Variants in LAMA3 observed in about 807,000 individuals in gnomAD.
LAMA3 encodes laminin subunit alpha 3, also known as laminin subunit alpha-3.
Under a neutral mutation model 402.0 loss-of-function variants are expected in LAMA3, and 281 were observed. The ratio of observed to expected loss-of-function variants is 0.70; its 90% CI spans 0.63 to 0.77. LAMA3 has a LOEUF of 0.77. LAMA3 is among the 30% of genes least tolerant of loss of function. The probability of loss-of-function intolerance (pLI) is 0.00; values close to 1 mark genes in which losing one functional copy is unlikely to be tolerated. For synonymous variants in LAMA3, 1,431 were observed against 1,558.4 expected (o/e 0.92, Z 1.93); for missense variants, 3,840 against 4,215.5 (o/e 0.91, Z 2.47).
chr18:23,775,508 A>G (rs1013469989), intron 9 of LAMA3, among the ~76,000 whole-genome samples: 1 of 147,386 alleles, frequency 6.8e-6, no homozygotes, highest in Non-Finnish European at 1.5e-5. Context: ...TGTAGCATGC[A>G]GGCTTTGCCT....
intron 47 of LAMA3, among the ~76,000 whole-genome samples, chr18:23,900,546 A>G (rs1439107235): frequency 1.3e-5 from 2 of 152,226 alleles, no homozygotes; most frequent in African/African-American, 4.8e-5. Flanking sequence ...CAAAAAAAGG[A>G]TATACTAGAA....
At chr18:23,925,814 A>G (rs1354826391) in intron 62 of LAMA3, among the ~76,000 whole-genome samples, 2 of 152,180 alleles carry the variant, frequency 1.3e-5, no homozygotes, top group Admixed American at 6.5e-5. Flanking sequence ...CCATTTTAAC[A>G]CTTCTGCTGT....
Position 23,857,991 on chromosome 18 carries a change from A to G in LAMA3, c.4281+3A>G, listed in dbSNP as rs762527619. ...GGACCGGGGCTTGCCTCTGCAAGGT[A>G]AGAGAGATCGTGCAATGCCAGACAA... On this transcript the variant is annotated splice_donor_region_variant and intron_variant, in intron 33 of 74. Coordinates refer to ENST00000313654, the MANE Select transcript of LAMA3 (RefSeq NM_198129.4). 5.6e-6 allele frequency: 9 copies of G among 1,614,174 alleles called. No homozygotes were observed. The highest frequency in any genetic ancestry group is 1.1e-5 in the South Asian group (1 of 91,088).
At position 23,750,984 on chromosome 18, in the gene LAMA3, G is replaced by T. The variant is rs200781855; in HGVS notation, c.751G>T (p.Glu251Ter). The change falls in exon 5 of 75, where the codon GAG (glutamate) becomes TAG (stop). Residue 251 changes from glutamate (E) to a stop codon, truncating the protein, a stop_gained. Coordinates refer to ENST00000313654, the MANE Select transcript of LAMA3 (RefSeq NM_198129.4). LOFTEE classifies it high-confidence loss of function. The part of the protein sequence containing the change: ...KNFTFSHTLR[E>*]FTKATNIRLR... ...TTTTACTTTCTCTCACACCCTGAGG[G>T]AGTTTACCAAGGCAACAAACATCCG... 8 of 1,613,998 alleles carry T rather than the reference G, an allele frequency of 5.0e-6. No homozygotes were observed. The Admixed American group carries it at 1.0e-4, about 20-fold the overall frequency.
rs754060067 is a variant in LAMA3 at position 23,858,025 on chromosome 18, G to A, written c.4281+37G>A. 8.1e-6 allele frequency: 13 copies of A among 1,613,498 alleles called. 1 individual carries two copies. Among genetic ancestry groups the A allele is most frequent in the South Asian group, 4.4e-5 (4 of 91,028 alleles). On this transcript the variant is annotated intron_variant, in intron 33 of 74. Transcript: ENST00000313654. ...CGTGCAATGCCAGACAACAGCTGCC[G>A]GTCAGCAGGAAAGTGCTTCATGTTG...
chr18:23,737,006 G>A (rs1386403768), intron 2 of LAMA3, among the ~76,000 whole-genome samples: 1 of 152,132 alleles, frequency 6.6e-6, no homozygotes, highest in East Asian at 1.9e-4. Context: ...TTGCTGGCAT[G>A]GAAAATGCTT....
At chr18:23,894,217 GCTTTTCTGAAAAC>G in intron 42 of LAMA3, 68 bp from the exon 43 acceptor site, 2 of 1,176,772 alleles carry the variant, frequency 1.7e-6, no homozygotes, top group Middle Eastern at 2.0e-4. Flanking sequence ...TGCAAAACTA[GCTTTTCTGAAAAC>G]CAAGTTAAAG....
chr18:23,921,650 A>T (rs907239308), intron 62 of LAMA3, 65 bp downstream of exon 62: 2 of 1,550,206 alleles, frequency 1.3e-6, no homozygotes, highest in Non-Finnish European at 1.8e-6. Flanking sequence ...TGACCAAAAA[A>T]AATCTGGTCT....
chr18:23,729,122 ATG>A (rs72333694), intron 2 of LAMA3, among the ~76,000 whole-genome samples: 28,088 of 146,832 alleles, frequency 0.19, 4,087 homozygotes, highest in East Asian at 0.55. Flanking sequence ...TTGTGTGTGT[ATG>A]TGTGTGTGTG....
At chr18:23,752,912 A>G (rs1262523205) in intron 5 of LAMA3, among the ~76,000 whole-genome samples, 7 of 152,230 alleles carry the variant, frequency 4.6e-5, no homozygotes, top group African/African-American at 1.4e-4. Context: ...CATGGCCTCA[A>G]TGAGAAAGAT....
At chr18:23,944,800 T>G (rs2082647878) in intron 69 of LAMA3, among the ~76,000 whole-genome samples, 1 of 152,274 alleles carries the variant, frequency 6.6e-6, no homozygotes, top group African/African-American at 2.4e-5. Context: ...AGCTCCGACT[T>G]TGGACTTTAT....
chr18:23,701,451 A>C (rs1332763455), intron 1 of LAMA3, among the ~76,000 whole-genome samples: 4 of 152,218 alleles, frequency 2.6e-5, no homozygotes, highest in Non-Finnish European at 5.9e-5. Context: ...TGTGCTTTCT[A>C]ATAGCTGAAT....
At chr18:23,773,440 T>G (rs2062244813) in intron 8 of LAMA3, 57 bp from the exon 9 acceptor site, 5 of 1,040,686 alleles carry the variant, frequency 4.8e-6, no homozygotes, top group African/African-American at 1.6e-5. Flanking sequence ...TAGCACAAAA[T>G]AAGGAGAATC....
intron 16 of LAMA3, 105 bp from the exon 17 acceptor site, chr18:23,815,363 C>A: frequency 1.5e-6 from 2 of 1,345,050 alleles, no homozygotes; most frequent in Non-Finnish European, 2.1e-6. Flanking sequence ...TTTCCAGATC[C>A]TGGCTACACT....
At chr18:23,850,200 G>A (rs2063912518) in intron 32 of LAMA3, among the ~76,000 whole-genome samples, 2 of 152,148 alleles carry the variant, frequency 1.3e-5, no homozygotes, top group African/African-American at 2.4e-5. Flanking sequence ...ATCACAAACT[G>A]CAAAGCTGAA....
chr18:23,873,010 G>A, intron 38 of LAMA3: 1 of 1,613,746 alleles, frequency 6.2e-7, no homozygotes, highest in Non-Finnish European at 8.5e-7. Flanking sequence ...AGAGGCAGAG[G>A]TTCCTGCGCA....
At chr18:23,726,886 A>C (rs1598657676) in intron 2 of LAMA3, among the ~76,000 whole-genome samples, 1 of 151,912 alleles carries the variant, frequency 6.6e-6, no homozygotes, top group East Asian at 1.9e-4. Context: ...TGAAAGTGCT[A>C]GGATTGTAGG....
In LAMA3 at chr18:23,943,777, G is replaced by T. The variant is rs117781425; in HGVS notation, c.9027-11G>T. The T allele has an allele frequency of 6.2e-7, 1 of 1,613,706 alleles. No homozygotes were observed. The highest frequency in any genetic ancestry group is 8.5e-7 in the Non-Finnish European group (1 of 1,179,722). ...ACCTCTATTTCCCTTCATCGCCGATGTTCCCAACAGGTCACAGTTTGCTGT... is the reference window on the plus strand; with the variant it reads ...ACCTCTATTTCCCTTCATCGCCGATTTTCCCAACAGGTCACAGTTTGCTGT... On this transcript the variant is annotated splice_polypyrimidine_tract_variant and intron_variant, in intron 68 of 74. Coordinates refer to ENST00000313654, the MANE Select transcript of LAMA3 (RefSeq NM_198129.4).
At chr18:23,941,939 ACACAGACACAC>A (rs2082536719) in intron 68 of LAMA3, among the ~76,000 whole-genome samples, 2 of 152,204 alleles carry the variant, frequency 1.3e-5, no homozygotes, top group South Asian at 4.1e-4. Flanking sequence ...CCGCACTAAC[ACACAGACACAC>A]CAAGAGAAAT....
Sources: allele counts gnomAD v4.1 joint callset (sites outside exome capture counted in the v4.1 genomes callset), GRCh38; gene constraint gnomAD v4.1.1; transcripts MANE v1.5; gene names NCBI Gene and HGNC (gene_info 2026-07-23, HGNC 2026-07-21).